The following ADGRD1 variants were observed in gnomAD, a reference collection of about 807,000 sequenced individuals.
The protein encoded by ADGRD1 is adhesion G protein-coupled receptor D1.
Under a neutral mutation model 113.4 loss-of-function variants are expected in ADGRD1, and 77 were observed. The ratio of observed to expected loss-of-function variants is 0.68; its 90% CI spans 0.57 to 0.82. The LOEUF is 0.82. Among genes scored for constraint, ADGRD1 ranks in the 40% least tolerant of loss-of-function variants. The probability of loss-of-function intolerance (pLI) is 0.00; values close to 1 mark genes in which losing one functional copy is unlikely to be tolerated. For synonymous variants in ADGRD1, 474 were observed against 475.0 expected, an observed-to-expected ratio of 1.00 and a Z score of 0.03; for missense variants, 1,036 against 1,139.1, an observed-to-expected ratio of 0.91 and a Z score of 1.30.
intron 13 of ADGRD1, among the ~76,000 whole-genome samples, chr12:131,046,754 C>T (rs1292715624): frequency 3.4e-5 from 5 of 145,252 alleles, no homozygotes; most frequent in Admixed American, 3.4e-4. Flanking sequence ...GCAGTGTCCT[C>T]CCTGGTCAGT....
At chr12:131,097,988 G>A (rs571250641) in intron 15 of ADGRD1, among the ~76,000 whole-genome samples, 19 of 152,334 alleles carry the variant, frequency 1.2e-4, no homozygotes, top group African/African-American at 4.6e-4. Context: ...CTGCTGGCAT[G>A]GGCGTCCCCC....
chr12:131,034,926 T>C (rs1881208615), intron 13 of ADGRD1, among the ~76,000 whole-genome samples: 1 of 152,168 alleles, frequency 6.6e-6, no homozygotes, highest in African/African-American at 2.4e-5. Flanking sequence ...CAGCTGCTCC[T>C]CCGCCCCCTT....
At chr12:130,958,997 C>A (rs936575341) in intron 2 of ADGRD1, among the ~76,000 whole-genome samples, 12 of 152,190 alleles carry the variant, frequency 7.9e-5, no homozygotes, top group African/African-American at 2.7e-4. Flanking sequence ...AAGAAGCTCA[C>A]AGCGTGAGGG....
chr12:130,958,469 G>A (rs1431830005), intron 2 of ADGRD1, among the ~76,000 whole-genome samples: 2 of 152,076 alleles, frequency 1.3e-5, no homozygotes, highest in Admixed American at 6.5e-5. Flanking sequence ...CAAAGTGCTG[G>A]GATTACAGGT....
At chr12:131,105,696 A>G in intron 16 of ADGRD1, 58 bp from the exon 17 acceptor site, 4 of 1,386,882 alleles carry the variant, frequency 2.9e-6, no homozygotes, top group Non-Finnish European at 4.0e-6. Flanking sequence ...CAGGGAGCCC[A>G]GCCTGGGGGA....
intron 13 of ADGRD1, chr12:131,023,476 T>TGG (rs1032423346): frequency 1.3e-5 from 2 of 151,616 alleles, no homozygotes; most frequent in Non-Finnish European, 2.9e-5. Context: ...TTCGTGTGTG[T>TGG]GTGTGTTTTG....
At chr12:130,955,052 C>G (rs1020429526) in intron 2 of ADGRD1, among the ~76,000 whole-genome samples, 3 of 150,788 alleles carry the variant, frequency 2.0e-5, no homozygotes, top group African/African-American at 2.4e-5. Context: ...CTCTGCCTCC[C>G]GGGTTCAAGC....
intron 20 of ADGRD1, among the ~76,000 whole-genome samples, chr12:131,128,571 C>T (rs531002549): frequency 2.0e-5 from 3 of 152,272 alleles, no homozygotes; most frequent in East Asian, 3.9e-4. Context: ...ACAAAATTTA[C>T]AGGAAAAGCT....
chr12:131,039,671 C>T (rs1333357717), intron 13 of ADGRD1, among the ~76,000 whole-genome samples: 1 of 152,158 alleles, frequency 6.6e-6, no homozygotes, highest in African/African-American at 2.4e-5. Context: ...CCGAACCCAA[C>T]CCTGGGGCGC....
intron 13 of ADGRD1, among the ~76,000 whole-genome samples, chr12:131,065,762 G>A (rs972835713): frequency 6.8e-6 from 1 of 147,112 alleles, no homozygotes; most frequent in African/African-American, 2.4e-5. Context: ...ATTTTTATCA[G>A]TAGATGAGGG....
chr12:131,091,417 C>T (rs1344615197), intron 15 of ADGRD1, among the ~76,000 whole-genome samples: 1 of 152,176 alleles, frequency 6.6e-6, no homozygotes, highest in Non-Finnish European at 1.5e-5. Flanking sequence ...GGAGATTATT[C>T]ATCTCTATAC....
intron 16 of ADGRD1, 126 bp from the exon 17 acceptor site, chr12:131,105,628 A>G (rs1950216664): frequency 3.0e-6 from 2 of 668,760 alleles, no homozygotes; most frequent in Non-Finnish European, 5.3e-6. Flanking sequence ...CACAGCAGGG[A>G]GTGACAGCAA....
intron 15 of ADGRD1, among the ~76,000 whole-genome samples, chr12:131,100,407 G>A (rs1950042520): frequency 6.6e-6 from 1 of 151,948 alleles, no homozygotes. Context: ...TGGGTTGGTT[G>A]TTGGTAAGGT....
At position 131,104,872 on chromosome 12, in the gene ADGRD1, T is replaced by C. The variant is rs757345111; in HGVS notation, c.1713T>C (p.Tyr571=). 13 of 1,551,070 alleles carry C rather than the reference T, an allele frequency of 8.4e-6. No homozygotes were observed. The highest frequency in any genetic ancestry group is 1.0e-5 in the Non-Finnish European group (12 of 1,147,226). The change falls in exon 16 of 25, where the codon TAT becomes TAC. Residue 571 remains tyrosine (Y), a synonymous_variant. Transcript: ENST00000261654. Reference sequence around the variant, plus strand: ...AGGTGGCGCTGTCGTCTATCAGCTATGTGGGCTGCTCCCTCTCCGTGCTCT... The same window carrying C: ...AGGTGGCGCTGTCGTCTATCAGCTACGTGGGCTGCTCCCTCTCCGTGCTCT... ...GHQVALSSIS[Y]VGCSLSVLCL...
intron 13 of ADGRD1, among the ~76,000 whole-genome samples, chr12:131,067,968 G>T (rs1373227358): frequency 3.0e-4 from 28 of 94,402 alleles, no homozygotes; most frequent in East Asian, 1.1e-3. Flanking sequence ...CCTCCTGTAT[G>T]TCTGATCGCT....
intron 18 of ADGRD1, among the ~76,000 whole-genome samples, chr12:131,109,249 T>C (rs566218299): frequency 5.9e-5 from 9 of 152,360 alleles, no homozygotes; most frequent in Middle Eastern, 3.4e-3. Flanking sequence ...CTATTATCCG[T>C]TTCTTTAATT....
chr12:131,122,321 C>G (rs1184096414), intron 20 of ADGRD1, among the ~76,000 whole-genome samples: 1 of 152,148 alleles, frequency 6.6e-6, no homozygotes, highest in Non-Finnish European at 1.5e-5. Flanking sequence ...CCGAGCAGGG[C>G]TGGTTTTTCT....
At chr12:131,128,181 G>C (rs1424979183) in intron 20 of ADGRD1, among the ~76,000 whole-genome samples, 8 of 148,116 alleles carry the variant, frequency 5.4e-5, no homozygotes. Flanking sequence ...TGATTGTGTT[G>C]GTTGTGATGG....
intron 21 of ADGRD1, among the ~76,000 whole-genome samples, chr12:131,133,273 C>T (rs1284725120): frequency 3.3e-5 from 5 of 152,146 alleles, no homozygotes; most frequent in East Asian, 1.9e-4. Flanking sequence ...GTCTGAGCCC[C>T]ATGAGGCCAC....
Sources: allele counts gnomAD v4.1 joint callset (sites outside exome capture counted in the v4.1 genomes callset), GRCh38; gene constraint gnomAD v4.1.1; transcripts MANE v1.5; gene names NCBI Gene and HGNC (gene_info 2026-07-23, HGNC 2026-07-21).